Variants in EPHB1 observed in about 807,000 individuals in gnomAD.
EPHB1 encodes EPH receptor B1, also known as ephrin type-B receptor 1.
A neutral mutation model predicts 94.4 loss-of-function variants in EPHB1; 30 were observed. The observed-to-expected ratio is 0.32, with a 90% CI of 0.24 to 0.43. The LOEUF (loss-of-function observed/expected upper bound fraction) is 0.43, where lower values mean the gene tolerates loss of function less well. Among genes scored for constraint, EPHB1 ranks in the 20% least tolerant of loss-of-function variants. The pLI, the probability that EPHB1 is intolerant of heterozygous loss-of-function variation, is 1.00. For synonymous variants in EPHB1, 522 were observed against 489.1 expected (o/e 1.07, Z -0.89); for missense variants, 1,055 against 1,308.3 (o/e 0.81, Z 2.99).
intron 3 of EPHB1, among the ~76,000 whole-genome samples, chr3:135,079,294 A>G (rs1047487552): frequency 2.6e-5 from 4 of 152,204 alleles, no homozygotes; most frequent in African/African-American, 9.7e-5. Context: ...CTACATCCAA[A>G]TGGATAACCA....
chr3:134,984,315 T>G (rs751192739), intron 3 of EPHB1, among the ~76,000 whole-genome samples: 2 of 152,080 alleles, frequency 1.3e-5, no homozygotes, highest in African/African-American at 2.4e-5. Flanking sequence ...CCCTCACCAC[T>G]GATCCCACCA....
intron 3 of EPHB1, among the ~76,000 whole-genome samples, chr3:134,960,454 C>G (rs1038420332): frequency 2.3e-4 from 35 of 152,124 alleles, no homozygotes; most frequent in African/African-American, 8.2e-4. Context: ...GTTTCAAGGG[C>G]CTGTTAATAA....
chr3:135,186,403 G>A (rs1247457257), intron 10 of EPHB1, among the ~76,000 whole-genome samples: 1 of 152,148 alleles, frequency 6.6e-6, no homozygotes. Context: ...TGCTCTCCCT[G>A]GTTTAGCCGT....
At chr3:135,162,972 T>C (rs1941552585) in intron 7 of EPHB1, among the ~76,000 whole-genome samples, 1 of 152,206 alleles carries the variant, frequency 6.6e-6, no homozygotes. Flanking sequence ...TATATCTATA[T>C]TTATTATTCA....
At chr3:135,257,442 AC>A (rs1282472171) in intron 15 of EPHB1, among the ~76,000 whole-genome samples, 5 of 151,590 alleles carry the variant, frequency 3.3e-5, no homozygotes, top group Non-Finnish European at 5.9e-5. Flanking sequence ...AACAGACAGG[AC>A]CCTCAGCTGC....
intron 3 of EPHB1, among the ~76,000 whole-genome samples, chr3:135,034,576 G>A (rs1485904846): frequency 3.3e-5 from 5 of 152,364 alleles, no homozygotes; most frequent in Middle Eastern, 3.4e-3. Context: ...CTGGACAGGT[G>A]GATTGTGGTG....
At chr3:134,864,422 A>G (rs899158971) in intron 1 of EPHB1, among the ~76,000 whole-genome samples, 1 of 152,158 alleles carries the variant, frequency 6.6e-6, no homozygotes, top group African/African-American at 2.4e-5. Context: ...CTGCCTTTGC[A>G]AGCCCCTTCT....
At chr3:135,072,916 A>AT (rs1230116298) in intron 3 of EPHB1, among the ~76,000 whole-genome samples, 1 of 152,004 alleles carries the variant, frequency 6.6e-6, no homozygotes, top group Non-Finnish European at 1.5e-5. Context: ...TGGCCCCTAC[A>AT]TTTTCCAGTT....
At chr3:134,896,680 C>G (rs985327190) in intron 1 of EPHB1, among the ~76,000 whole-genome samples, 3 of 152,246 alleles carry the variant, frequency 2.0e-5, no homozygotes, top group Admixed American at 6.5e-5. Flanking sequence ...GCTCTCTGCT[C>G]TGAAGCCTTG....
At chr3:135,087,979 G>A (rs997795562) in intron 3 of EPHB1, among the ~76,000 whole-genome samples, 1 of 152,138 alleles carries the variant, frequency 6.6e-6, no homozygotes, top group South Asian at 2.1e-4. Flanking sequence ...ATCTGGTCAG[G>A]AATTCAGGCA....
intron 1 of EPHB1, among the ~76,000 whole-genome samples, chr3:134,836,270 T>C (rs1318956042): frequency 1.3e-5 from 2 of 152,226 alleles, no homozygotes; most frequent in Non-Finnish European, 2.9e-5. Flanking sequence ...ACACCTATTA[T>C]ACTCAGTTTT....
At chr3:134,923,235 T>G (rs1423272798) in intron 1 of EPHB1, among the ~76,000 whole-genome samples, 1 of 152,212 alleles carries the variant, frequency 6.6e-6, no homozygotes, top group Non-Finnish European at 1.5e-5. Context: ...AATGCAGCTT[T>G]CTTTATTTGC....
intron 13 of EPHB1, among the ~76,000 whole-genome samples, chr3:135,242,274 C>A (rs908559584): frequency 2.6e-5 from 4 of 152,008 alleles, no homozygotes; most frequent in Admixed American, 1.3e-4. Flanking sequence ...TGGGAGGGGG[C>A]AGTTTTTATC....
At chr3:135,230,642 A>ATTG (rs1343281608) in intron 12 of EPHB1, among the ~76,000 whole-genome samples, 3 of 152,154 alleles carry the variant, frequency 2.0e-5, no homozygotes, top group Non-Finnish European at 2.9e-5. Context: ...CATGTGTAGG[A>ATTG]TTGTTACATG....
chr3:134,859,442 G>A (rs1167014249), intron 1 of EPHB1, among the ~76,000 whole-genome samples: 1 of 152,198 alleles, frequency 6.6e-6, no homozygotes, highest in South Asian at 2.1e-4. Context: ...GCCAAGGTGT[G>A]TAGCAGATCT....
chr3:135,172,593 G>T (rs555531584), intron 9 of EPHB1, among the ~76,000 whole-genome samples: 1 of 152,356 alleles, frequency 6.6e-6, no homozygotes, highest in East Asian at 1.9e-4. Context: ...AAGGGACACA[G>T]CATCCAGCCC....
At chr3:134,995,263 C>T (rs1934952462) in intron 3 of EPHB1, among the ~76,000 whole-genome samples, 1 of 152,016 alleles carries the variant, frequency 6.6e-6, no homozygotes, top group Non-Finnish European at 1.5e-5. Flanking sequence ...TTTTTTTTCA[C>T]TCAACATAAT....
intron 7 of EPHB1, among the ~76,000 whole-genome samples, chr3:135,165,708 C>G (rs1372554966): frequency 2.0e-5 from 3 of 152,234 alleles, no homozygotes; most frequent in Non-Finnish European, 4.4e-5. Context: ...GAAATCATCT[C>G]TGCTCCAGGA....
intron 1 of EPHB1, among the ~76,000 whole-genome samples, chr3:134,855,830 T>A (rs1049555167): frequency 6.6e-6 from 1 of 152,106 alleles, no homozygotes; most frequent in Non-Finnish European, 1.5e-5. Flanking sequence ...CCTCAAATGG[T>A]GCCTGGCACT....
Sources: gnomAD v4.1 joint callset for allele counts (sites outside exome capture counted in the v4.1 genomes callset) on GRCh38, gnomAD v4.1.1 for gene constraint, MANE v1.5 for transcripts, NCBI Gene and HGNC (gene_info 2026-07-23, HGNC 2026-07-21) for gene names.